The following CPLANE1 variants were observed in gnomAD, a reference collection of about 807,000 sequenced individuals.
CPLANE1 encodes ciliogenesis and planar polarity effector complex subunit 1.
A neutral mutation model predicts 362.5 loss-of-function variants in CPLANE1; 263 were observed. That is an observed-to-expected ratio of 0.73 (90% CI 0.66 to 0.80). CPLANE1 has a LOEUF of 0.80. Ranked by LOEUF, CPLANE1 falls within the 30% of genes least tolerant of loss-of-function variation. The pLI is 0.00. For synonymous variants in CPLANE1, 1,212 were observed against 1,302.6 expected (o/e 0.93, Z 1.50); for missense variants, 3,461 against 3,793.4 (o/e 0.91, Z 2.30).
chr5:37,085,460 C>A, the CPLANE1 span: 4 of 850,248 alleles, frequency 4.7e-6, no homozygotes, highest in Non-Finnish European at 4.1e-6. Flanking sequence ...CAAAAGGAAT[C>A]CCTCATCTGG....
At position 37,226,294 on chromosome 5, in the gene CPLANE1, G is replaced by A; in HGVS notation, c.2291+10C>T. 6.9e-7 allele frequency: 1 copy of A among 1,450,132 alleles called. No homozygotes were observed. The allele number at this position is 1,450,132 out of a possible 1,614,324, so 89.8% of individuals were successfully genotyped here. Reference sequence around the variant, plus strand: ...TAATAGTATCCCAGTATTAAAATAAGTGATTATACCTGTGTCCTGGCTGTT... The same window carrying A: ...TAATAGTATCCCAGTATTAAAATAAATGATTATACCTGTGTCCTGGCTGTT... On this transcript the variant is annotated intron_variant, in intron 12 of 52. Coordinates refer to ENST00000651892, the MANE Select transcript of CPLANE1 (RefSeq NM_001384732.1).
At position 37,125,293 on chromosome 5, in the gene CPLANE1, G is replaced by T. The variant is rs1192066775; in HGVS notation, c.8909C>A (p.Ala2970Glu). The T allele has an allele frequency of 1.9e-6, 3 of 1,613,724 alleles. No homozygotes were observed. The highest frequency in any genetic ancestry group is 1.3e-5 in the African/African-American group (1 of 74,844). ...ERMAKYLNEL[A>E]EKRGQEHDPF... Reference sequence around the variant, plus strand: ...ATCATGTTCTTGCCCTCTCTTTTCTGCCAGCTCATTTAAGTACTTTGCCAT... The same window carrying T: ...ATCATGTTCTTGCCCTCTCTTTTCTTCCAGCTCATTTAAGTACTTTGCCAT... The change falls in exon 47 of 53, where the codon GCA becomes GAA. Residue 2970 changes from alanine (A) to glutamate (E), a missense_variant. By Grantham distance (107) the Ala-to-Glu change is moderately radical. Around this residue, in one of 2 missense-constraint regions of CPLANE1, gnomAD observed 3,380 missense variants for 3,666.1 expected, o/e 0.92. Transcript: ENST00000651892.
chr5:37,125,166 ATCT>A (rs1763788602), intron 47 of CPLANE1, 75 bp downstream of exon 47: 1 of 1,477,634 alleles, frequency 6.8e-7, no homozygotes. Context: ...AATTATGTTA[ATCT>A]TTTTCTTAAA....
chr5:37,104,168 T>G (rs1757430540), downstream of CPLANE1, among the ~76,000 whole-genome samples: 1 of 152,254 alleles, frequency 6.6e-6, no homozygotes, highest in African/African-American at 2.4e-5. Context: ...TATTGATACT[T>G]GTGATTGCAC....
At position 37,227,771 on chromosome 5, in the gene CPLANE1, A is replaced by T. The variant is rs1404589147; in HGVS notation, c.1168T>A (p.Ser390Thr). 6.4e-7 allele frequency: 1 copy of T among 1,551,384 alleles called. No individual in the cohort carries two copies. The highest frequency in any genetic ancestry group is 8.7e-7 in the Non-Finnish European group (1 of 1,146,754). ...FQDSNNSVDSSASDSDPMRQR... is the reference protein window; with the variant it reads ...FQDSNNSVDSTASDSDPMRQR... ...CTCATAGGGTCACTATCAGAAGCTG[A>T]TGAATCAACAGAATTATTTGAATCT... The change falls in exon 10 of 53, where the codon TCA becomes ACA. Residue 390 changes from serine to threonine, a missense_variant. Ser to Thr is a moderately conservative substitution (Grantham distance 58, BLOSUM62 1). Coordinates refer to ENST00000651892, the MANE Select transcript of CPLANE1 (RefSeq NM_001384732.1).
chr5:37,227,297 G>A lies in CPLANE1; in HGVS notation c.1467C>T (p.Val489=). The A allele has an allele frequency of 6.4e-7, 1 of 1,552,164 alleles. No homozygotes were observed. The highest frequency in any genetic ancestry group is 1.2e-5 in the South Asian group (1 of 84,046). The change falls in exon 11 of 53, where the codon GTC becomes GTT. Residue 489 remains valine (V), a synonymous_variant. Transcript: ENST00000651892. ...TTTCTTCTGCCTGCAAGAATTTGGG[G>A]ACAGTGAAATCGGCTGAACTTTCAT... The part of the protein sequence containing the change: ...QGNESSADFT[V]PKFLQAEETI...
intron 44 of CPLANE1, 156 bp from the exon 45 acceptor site, chr5:37,139,526 T>C: frequency 8.8e-7 from 1 of 1,139,784 alleles, no homozygotes. Context: ...TTTATCCTCT[T>C]CCTGAATATG....
At chr5:37,200,145 A>T (rs574850656) in intron 19 of CPLANE1, among the ~76,000 whole-genome samples, 1 of 152,310 alleles carries the variant, frequency 6.6e-6, no homozygotes, top group Admixed American at 6.5e-5. Context: ...AACCTGCCCT[A>T]CAACTAGGCT....
chr5:37,092,128 C>T, the CPLANE1 span, among the ~76,000 whole-genome samples: 408 of 152,286 alleles, frequency 2.7e-3, no homozygotes, highest in African/African-American at 9.4e-3. Context: ...GCCTTTCTTT[C>T]GCCCTGTCAC....
chr5:37,192,493 AG>A (rs1298788209), intron 21 of CPLANE1, among the ~76,000 whole-genome samples: 3 of 152,202 alleles, frequency 2.0e-5, no homozygotes, highest in Non-Finnish European at 4.4e-5. Flanking sequence ...CCCATCATTA[AG>A]CAGGCCTGAC....
intron 37 of CPLANE1, among the ~76,000 whole-genome samples, chr5:37,163,513 T>C (rs956264925): frequency 6.6e-6 from 1 of 152,128 alleles, no homozygotes; most frequent in Non-Finnish European, 1.5e-5. Context: ...TGGGTTTACA[T>C]GTGGATTTCT....
the CPLANE1 span, among the ~76,000 whole-genome samples, chr5:37,081,914 G>C: frequency 6.6e-6 from 1 of 152,172 alleles, no homozygotes; most frequent in South Asian, 2.1e-4. Flanking sequence ...GCTGAGGCAG[G>C]TGGATCACCT....
At chr5:37,128,938 C>T (rs1269377840) in intron 46 of CPLANE1, among the ~76,000 whole-genome samples, 1 of 151,810 alleles carries the variant, frequency 6.6e-6, no homozygotes, top group East Asian at 1.9e-4. Flanking sequence ...CAAAAAAGAG[C>T]CTGTACAGCC....
intron 42 of CPLANE1, among the ~76,000 whole-genome samples, chr5:37,148,546 A>G (rs187449377): frequency 4.8e-4 from 73 of 152,330 alleles, no homozygotes; most frequent in African/African-American, 1.7e-3. Flanking sequence ...AATTCGTATT[A>G]AAGATGAGAG....
At chr5:37,179,995 T>C in intron 28 of CPLANE1, 22 bp downstream of exon 28, 3 of 1,498,866 alleles carry the variant, frequency 2.0e-6, no homozygotes, top group Non-Finnish European at 2.7e-6. Context: ...GCCAAAAAAA[T>C]AGATTATCTA....
At chr5:37,182,710 T>C in intron 26 of CPLANE1, 50 bp downstream of exon 26, 1 of 1,105,058 alleles carries the variant, frequency 9.0e-7, no homozygotes, top group Non-Finnish European at 1.3e-6. Context: ...ATAGTTTTAA[T>C]CTAAAATGAG....
Position 37,187,444 on chromosome 5 carries a change from G to C in CPLANE1, c.4050C>G (p.Ser1350Arg), listed in dbSNP as rs1032339230. 6 of 1,612,768 alleles carry C rather than the reference G, an allele frequency of 3.7e-6. No individual in the cohort carries two copies. The highest frequency in any genetic ancestry group is 5.1e-6 in the Non-Finnish European group (6 of 1,179,540). ...MEELIQDIIL[S>R]LIGELPPIRK... ...TGATTGGTGGCAGTTCTCCAATAAGGCTCAAAATTATATCCTGAATAAGTT... is the reference window on the plus strand; with the variant it reads ...TGATTGGTGGCAGTTCTCCAATAAGCCTCAAAATTATATCCTGAATAAGTT... Residue 1350 changes from serine to arginine, a missense_variant, in exon 23 of 53, where the codon AGC (serine) becomes AGG (arginine). Coordinates refer to ENST00000651892, the MANE Select transcript of CPLANE1 (RefSeq NM_001384732.1).
intron 43 of CPLANE1, among the ~76,000 whole-genome samples, chr5:37,147,947 A>G (rs2150514586): frequency 7.2e-6 from 1 of 138,998 alleles, no homozygotes; most frequent in East Asian, 2.1e-4. Context: ...CTAGTATAAA[A>G]TCCAGAGGAG....
chr5:37,186,481 A>G (rs1163926028), intron 23 of CPLANE1, 87 bp from the exon 24 acceptor site: 6 of 696,672 alleles, frequency 8.6e-6, no homozygotes, highest in African/African-American at 1.8e-5. Context: ...TTAACTCAAA[A>G]TATAAATGCA....
Sources: gnomAD v4.1 joint callset for allele counts (sites outside exome capture counted in the v4.1 genomes callset) on GRCh38, gnomAD v4.1.1 for gene constraint, gnomAD v4.1.1 regional missense constraint, MANE v1.5 for transcripts, NCBI Gene and HGNC (gene_info 2026-07-23, HGNC 2026-07-21) for gene names.